The following NELL1 variants were observed in gnomAD, a reference collection of about 807,000 sequenced individuals.
NELL1 encodes the protein protein kinase C-binding protein NELL1.
NELL1 carries 76 observed loss-of-function variants against 107.4 expected under a neutral mutation model. The ratio of observed to expected loss-of-function variants is 0.71; its 90% CI spans 0.59 to 0.86. The LOEUF (loss-of-function observed/expected upper bound fraction) is 0.86. Among genes scored for constraint, NELL1 ranks in the 40% least tolerant of loss-of-function variants. NELL1 has a pLI of 0.00. For missense variants in NELL1, 1,024 were observed against 1,005.5 expected, an observed-to-expected ratio of 1.02 and a Z score of -0.25; for synonymous variants, 353 against 341.2, an observed-to-expected ratio of 1.03 and a Z score of -0.38.
chr11:21,151,244 C>A (rs1218229070), intron 13 of NELL1, among the ~76,000 whole-genome samples: 3 of 152,060 alleles, frequency 2.0e-5, no homozygotes, highest in African/African-American at 7.2e-5. Context: ...TACATTGCTG[C>A]TTCATTTGTT....
At chr11:21,543,333 C>T (rs1396853314) in intron 16 of NELL1, among the ~76,000 whole-genome samples, 1 of 151,954 alleles carries the variant, frequency 6.6e-6, no homozygotes, top group Non-Finnish European at 1.5e-5. Flanking sequence ...AACCATGGAA[C>T]TGTAAGGAAT....
chr11:20,989,903 A>G (rs1851934468), intron 12 of NELL1, among the ~76,000 whole-genome samples: 1 of 151,950 alleles, frequency 6.6e-6, no homozygotes, highest in African/African-American at 2.4e-5. Context: ...AGGCTGAGGC[A>G]GAAGAATGGC....
intron 14 of NELL1, among the ~76,000 whole-genome samples, chr11:21,264,435 C>T (rs988701274): frequency 5.9e-5 from 9 of 151,680 alleles, no homozygotes; most frequent in Non-Finnish European, 1.3e-4. Context: ...AGAACATTTG[C>T]CAGCAGGAGA....
chr11:21,325,213 G>A (rs1386454335), intron 14 of NELL1, among the ~76,000 whole-genome samples: 2 of 151,868 alleles, frequency 1.3e-5, no homozygotes, highest in African/African-American at 2.4e-5. Context: ...CTCTTATATC[G>A]TGTTTTGTCA....
At chr11:21,329,116 T>C (rs1850214206) in intron 14 of NELL1, among the ~76,000 whole-genome samples, 1 of 152,124 alleles carries the variant, frequency 6.6e-6, no homozygotes, top group Non-Finnish European at 1.5e-5. Flanking sequence ...AGAAGCAGAA[T>C]GATATGGTTC....
chr11:20,826,727 A>G (rs1487045066), intron 3 of NELL1, among the ~76,000 whole-genome samples: 1 of 151,100 alleles, frequency 6.6e-6, no homozygotes, highest in South Asian at 2.1e-4. Flanking sequence ...AGTTATTGCC[A>G]TAAAAACCCC....
chr11:21,428,046 C>T (rs76531424), intron 15 of NELL1, among the ~76,000 whole-genome samples: 2 of 152,240 alleles, frequency 1.3e-5, no homozygotes, highest in Non-Finnish European at 2.9e-5. Flanking sequence ...TGTGTTTGTG[C>T]CTATGATCAA....
chr11:21,326,985 T>C (rs1307427514), intron 14 of NELL1, among the ~76,000 whole-genome samples: 1 of 152,072 alleles, frequency 6.6e-6, no homozygotes, highest in Non-Finnish European at 1.5e-5. Context: ...GTATAGGACA[T>C]GATATTATGG....
intron 15 of NELL1, among the ~76,000 whole-genome samples, chr11:21,431,498 A>G (rs561756444): frequency 6.6e-6 from 1 of 152,338 alleles, no homozygotes; most frequent in African/African-American, 2.4e-5. Context: ...TATTGACTAT[A>G]TGAATAGAAG....
At chr11:20,921,176 A>C (rs1850369017) in intron 7 of NELL1, among the ~76,000 whole-genome samples, 1 of 152,134 alleles carries the variant, frequency 6.6e-6, no homozygotes, top group Non-Finnish European at 1.5e-5. Context: ...AACTATAAGA[A>C]CCATTCTTAG....
chr11:21,568,869 CTTTT>C (rs60723180), intron 17 of NELL1, among the ~76,000 whole-genome samples: 1 of 147,818 alleles, frequency 6.8e-6, no homozygotes, highest in Non-Finnish European at 1.5e-5. Flanking sequence ...TTAGTTATCT[CTTTT>C]TTTTTTTTAT....
At chr11:21,535,257 A>C in intron 16 of NELL1, among the ~76,000 whole-genome samples, 1 of 152,138 alleles carries the variant, frequency 6.6e-6, no homozygotes, top group East Asian at 1.9e-4. Flanking sequence ...TTTCCATGAG[A>C]ACCTTAGCCA....
intron 13 of NELL1, among the ~76,000 whole-genome samples, chr11:21,154,847 A>G (rs1194795266): frequency 2.6e-5 from 4 of 152,188 alleles, no homozygotes; most frequent in African/African-American, 9.6e-5. Flanking sequence ...GTTAGTACAC[A>G]AAATGTGAAA....
chr11:20,750,693 C>T (rs1479159303), intron 2 of NELL1, among the ~76,000 whole-genome samples: 1 of 151,936 alleles, frequency 6.6e-6, no homozygotes, highest in African/African-American at 2.4e-5. Context: ...CTCAGGTGAT[C>T]CTCCCGTCTC....
At chr11:21,334,975 T>TA (rs1216001228) in intron 14 of NELL1, among the ~76,000 whole-genome samples, 2 of 151,890 alleles carry the variant, frequency 1.3e-5, no homozygotes, top group African/African-American at 2.4e-5. Context: ...TTTCACAGTT[T>TA]AAAAAAAATC....
At chr11:20,940,031 A>G (rs1345395338) in intron 10 of NELL1, among the ~76,000 whole-genome samples, 1 of 152,144 alleles carries the variant, frequency 6.6e-6, no homozygotes, top group East Asian at 1.9e-4. Flanking sequence ...TGGCTGCTGC[A>G]GCTAGAATCC....
chr11:20,837,469 C>T (rs1848554662), intron 3 of NELL1, among the ~76,000 whole-genome samples: 1 of 152,202 alleles, frequency 6.6e-6, no homozygotes, highest in South Asian at 2.1e-4. Flanking sequence ...TGAGAGAGCT[C>T]AGAAGCAGCA....
At chr11:20,692,511 A>C (rs2133868320) in intron 2 of NELL1, among the ~76,000 whole-genome samples, 1 of 151,238 alleles carries the variant, frequency 6.6e-6, no homozygotes, top group East Asian at 1.9e-4. Context: ...GTTTCAAAGA[A>C]CATCTTTATT....
At chr11:21,507,275 A>G (rs751882975) in intron 15 of NELL1, among the ~76,000 whole-genome samples, 5 of 152,204 alleles carry the variant, frequency 3.3e-5, no homozygotes, top group Non-Finnish European at 7.4e-5. Flanking sequence ...CTTTGCATTT[A>G]CCTTGCTTTT....
Sources: gnomAD v4.1 joint callset for allele counts (sites outside exome capture counted in the v4.1 genomes callset) on GRCh38, gnomAD v4.1.1 for gene constraint, MANE v1.5 for transcripts, NCBI Gene and HGNC (gene_info 2026-07-23, HGNC 2026-07-21) for gene names.